The following VWF variants were observed in gnomAD, a reference collection of about 807,000 sequenced individuals.
VWF encodes the protein von Willebrand factor.
VWF carries 176 observed loss-of-function variants against 308.6 expected under a neutral mutation model. The observed-to-expected ratio is 0.57, with a 90% confidence interval of 0.50 to 0.65. The LOEUF is 0.65. Ranked by LOEUF, VWF falls within the 30% of genes least tolerant of loss-of-function variation. The pLI is 0.00. For synonymous variants in VWF, 1,385 were observed against 1,443.4 expected, an observed-to-expected ratio of 0.96 and a Z score of 0.92; for missense variants, 3,146 against 3,648.2, an observed-to-expected ratio of 0.86 and a Z score of 3.55.
At chr12:6,013,330 T>C in intron 32 of VWF, 151 bp downstream of exon 32, 1 of 980,808 alleles carries the variant, frequency 1.0e-6, no homozygotes, top group South Asian at 1.4e-5. Context: ...AACAGAAACT[T>C]AAAGGTCCTG....
chr12:6,048,319 C>T (rs1022618219), intron 16 of VWF, among the ~76,000 whole-genome samples: 1 of 152,012 alleles, frequency 6.6e-6, no homozygotes, highest in African/African-American at 2.4e-5. Context: ...AGGCATGTGC[C>T]ACCACACCCA....
intron 2 of VWF, among the ~76,000 whole-genome samples, chr12:6,121,737 C>T (rs2013307): frequency 0.5 from 75,351 of 150,414 alleles, 20,266 homozygotes; most frequent in Non-Finnish European, 0.63. Flanking sequence ...TCAAGACCAG[C>T]CTGCCCAACA....
In VWF at chr12:6,097,733, G is replaced by A. The variant is rs145346622; in HGVS notation, c.533-2149C>T. ...CCACCGAGTTTGTGGTAATGTGTTG[G>A]TAGCCACAGGAAACTGATACATGGG... On this transcript the variant is annotated intron_variant, in intron 5 of 51. Transcript: ENST00000261405. Among the ~76,000 whole-genome samples, 251 of 152,328 alleles carry A rather than the reference G, an allele frequency of 1.6e-3. 5 individuals are homozygous for A. In the East Asian group the frequency reaches 0.037, roughly 22 times the overall value.
At chr12:5,962,538 C>CTT (rs35124526) in intron 47 of VWF, among the ~76,000 whole-genome samples, 1,648 of 101,520 alleles carry the variant, frequency 0.016, 47 homozygotes, top group Middle Eastern at 0.026. Context: ...ACAGGCAATT[C>CTT]TTTTTTTTTT....
chr12:6,051,448 C>T (rs7135039), intron 16 of VWF, among the ~76,000 whole-genome samples: 58,817 of 151,804 alleles, frequency 0.39, 12,603 homozygotes, highest in African/African-American at 0.56. Context: ...CCCGCTACCA[C>T]ACCCAGCTAA....
At chr12:6,082,247 G>T (rs1254608007) in intron 6 of VWF, among the ~76,000 whole-genome samples, 1 of 152,148 alleles carries the variant, frequency 6.6e-6, no homozygotes, top group African/African-American at 2.4e-5. Flanking sequence ...TTGCAGGCGT[G>T]AGCCACCGCG....
At chr12:6,090,349 T>C (rs1424550489) in intron 6 of VWF, among the ~76,000 whole-genome samples, 2 of 152,224 alleles carry the variant, frequency 1.3e-5, no homozygotes, top group African/African-American at 4.8e-5. Flanking sequence ...GGCTGGTTCC[T>C]GTCACTTACC....
intron 37 of VWF, among the ~76,000 whole-genome samples, 167 bp downstream of exon 37, chr12:5,993,695 G>GTA (rs569419042): frequency 1.2e-3 from 175 of 149,146 alleles, no homozygotes; most frequent in African/African-American, 3.1e-3. Context: ...ATATGTATAT[G>GTA]TATATATATA....
At position 6,018,640 on chromosome 12, in the gene VWF, C is replaced by T; in HGVS notation, c.4778G>A (p.Ser1593Asn). The T allele has an allele frequency of 6.2e-7, 1 of 1,614,026 alleles. No homozygotes were observed. The highest frequency in any genetic ancestry group is 8.5e-7 in the Non-Finnish European group (1 of 1,179,932). Residue 1593 changes from serine to asparagine, a missense_variant, in exon 28 of 52, where the codon AGC becomes AAC. Physicochemically the swap from Ser to Asn is conservative, Grantham distance 46. Around this residue, in one of 3 missense-constraint regions of VWF, gnomAD observed 853 missense variants for 1,177.8 expected, o/e 0.72. Coordinates refer to ENST00000261405, the MANE Select transcript of VWF (RefSeq NM_000552.5). ...GGGCGCCTGCTCCCGGTCACCCTGG[C>T]TGACCAAGAAGCTGTGGTCAGAGAG... ...RYLSDHSFLVSQGDREQAPNL... is the reference protein window; with the variant it reads ...RYLSDHSFLVNQGDREQAPNL...
intron 34 of VWF, among the ~76,000 whole-genome samples, chr12:6,000,642 C>CAAA (rs1162521877): frequency 7.0e-6 from 1 of 142,324 alleles, no homozygotes; most frequent in African/African-American, 2.6e-5. Flanking sequence ...CCCGTCTCTA[C>CAAA]AAAAAAAAAA....
At chr12:6,091,249 C>G (rs1945031277) in intron 6 of VWF, among the ~76,000 whole-genome samples, 1 of 145,750 alleles carries the variant, frequency 6.9e-6, no homozygotes, top group African/African-American at 2.6e-5. Context: ...AATTAATAAC[C>G]AGCTAAAACG....
rs779457972 is a variant in VWF at position 5,968,128 on chromosome 12, C to A, written c.7769G>T (p.Gly2590Val). Residue 2590 changes from glycine (G) to valine (V), a missense_variant and splice_region_variant, in exon 46 of 52, where the codon GGG becomes GTG. Coordinates refer to ENST00000261405, the MANE Select transcript of VWF (RefSeq NM_000552.5). ...CTGGAGAAGAGGACAGCGGCTCACC[C>A]CAATGACAGTGCCATTGAGCATGCA... ...EACMLNGTVIGPGKTVMIDVC... is the reference protein window; with the variant it reads ...EACMLNGTVIVPGKTVMIDVC... The A allele has an allele frequency of 6.2e-7, 1 of 1,614,010 alleles. No individual in the cohort carries two copies. Among genetic ancestry groups the A allele is most frequent in the African/African-American group, 1.3e-5 (1 of 74,910 alleles).
At chr12:6,055,479 CT>C (rs1345874004) in intron 15 of VWF, among the ~76,000 whole-genome samples, 1 of 152,144 alleles carries the variant, frequency 6.6e-6, no homozygotes, top group African/African-American at 2.4e-5. Flanking sequence ...GTCCCAGCCC[CT>C]AGCCTGTGGC....
intron 20 of VWF, among the ~76,000 whole-genome samples, chr12:6,032,374 C>T (rs1364684451): frequency 5.5e-4 from 82 of 150,438 alleles, no homozygotes; most frequent in Admixed American, 1.8e-3. Context: ...GCATGGTGGC[C>T]CACGCCTGTA....
chr12:6,120,447 C>G (rs912908267), intron 3 of VWF, among the ~76,000 whole-genome samples: 3 of 151,944 alleles, frequency 2.0e-5, no homozygotes, highest in Non-Finnish European at 4.4e-5. Context: ...GGATTATAGA[C>G]ACACACCACC....
At chr12:6,123,798 T>C (rs1164977221) in intron 1 of VWF, among the ~76,000 whole-genome samples, 1 of 152,048 alleles carries the variant, frequency 6.6e-6, no homozygotes, top group African/African-American at 2.4e-5. Flanking sequence ...TCTGAAAAAA[T>C]GGACAGGAGT....
At chr12:6,025,494 T>G (rs1944179749) in intron 24 of VWF, 86 bp downstream of exon 24, 1 of 1,074,496 alleles carries the variant, frequency 9.3e-7, no homozygotes, top group Admixed American at 1.9e-5. Flanking sequence ...GAGGGTAGTG[T>G]CCACGTTAGA....
rs371554756 is a variant in VWF, at chr12:6,019,133, C to T, written c.4285G>A (p.Glu1429Lys). The change falls in exon 28 of 52, where the codon GAG (glutamate) becomes AAG (lysine). Residue 1429 changes from glutamate to lysine, a missense_variant. This residue lies in a region of VWF where 853 missense variants were observed against 1,177.8 expected (regional missense o/e 0.72). Coordinates refer to ENST00000261405, the MANE Select transcript of VWF (RefSeq NM_000552.5). This position sits in a 1 kb window ranked among gnomAD's most constrained non-coding sequence, Gnocchi z 5.8. ...HANLKQIRLI[E>K]KQAPENKAFV... ...GCCTTGTTCTCAGGGGCCTGCTTCT[C>T]GATGAGGCGGATCTGCTTGAGGTTG... 10 of 1,613,756 alleles carry T rather than the reference C, an allele frequency of 6.2e-6. No individual in the cohort carries two copies. In the African/African-American group the frequency reaches 1.1e-4, roughly 17 times the overall value.
intron 30 of VWF, 50 bp from the exon 31 acceptor site, chr12:6,016,282 C>T (rs372778371): frequency 5.6e-5 from 90 of 1,613,720 alleles, no homozygotes; most frequent in Middle Eastern, 4.9e-4. Flanking sequence ...TGCGGCTCGA[C>T]ACCCTGTCTT....
Sources: gnomAD v4.1 joint callset for allele counts (sites outside exome capture counted in the v4.1 genomes callset) on GRCh38, gnomAD v4.1.1 for gene constraint, gnomAD v4.1.1 regional missense constraint, Gnocchi (gnomAD v3.1) non-coding constraint, MANE v1.5 for transcripts, NCBI Gene and HGNC (gene_info 2026-07-23, HGNC 2026-07-21) for gene names.